Variants in PGAP2 observed in about 807,000 individuals in gnomAD.
The protein encoded by PGAP2 is acyltransferase PGAP2.
Under a neutral mutation model 33.2 loss-of-function variants are expected in PGAP2, and 21 were observed. The observed-to-expected ratio is 0.63, with a 90% confidence interval of 0.45 to 0.91. The LOEUF is 0.91. PGAP2 is among the 40% of genes least tolerant of loss of function. The pLI is 0.00. For synonymous variants in PGAP2, 161 were observed against 172.9 expected (o/e 0.93, Z 0.54); for missense variants, 345 against 424.0 (o/e 0.81, Z 1.64).
chr11:3,798,167 T>G, intron 1 of PGAP2: 1 of 1,382,776 alleles, frequency 7.2e-7, no homozygotes, highest in Non-Finnish European at 9.4e-7. Context: ...TATTCTCTCC[T>G]GACCCATGCT....
Position 3,808,575 on chromosome 11 carries a change from AG to A in PGAP2, c.-86del. The A allele has an allele frequency of 7.3e-7, 1 of 1,366,650 alleles. No individual in the cohort carries two copies. Among genetic ancestry groups the A allele is most frequent in the South Asian group, 1.6e-5 (1 of 61,130 alleles). 84.7% of individuals were successfully genotyped at this position (1,366,650 alleles called of 1,614,324 possible). A position where few individuals can be genotyped will look rare whatever the true frequency, so the allele number is the denominator to read the frequency against. Reference sequence around the variant, plus strand: ...CGCCCCCGCCGTTCGCGCTCTGACCAGCCCGCAGAGCCAGCCCCCGACCCCG... The same window carrying A: ...CGCCCCCGCCGTTCGCGCTCTGACCACCCGCAGAGCCAGCCCCCGACCCCG... On this transcript the variant is annotated 5_prime_UTR_variant, in exon 1 of 7. Coordinates refer to ENST00000278243, the MANE Select transcript of PGAP2 (RefSeq NM_014489.4).
chr11:3,824,482 G>C lies in PGAP2; in HGVS notation c.708+106G>C, dbSNP rs778963282. ...TGAGGTGGGAACTGAGTTCTAATGG[G>C]AACCCTGGCAGAGGGGTGCTGGGGT... is the stretch of plus-strand genomic sequence containing the variant. On this transcript the variant is annotated intron_variant, in intron 5 of 6. Coordinates refer to ENST00000278243, the MANE Select transcript of PGAP2 (RefSeq NM_014489.4). 3.2e-6 allele frequency: 5 copies of C among 1,562,330 alleles called. No homozygotes were observed. In the African/African-American group the frequency reaches 4.1e-5, roughly 13 times the overall value.
At chr11:3,813,033 A>C (rs946326826) in intron 2 of PGAP2, among the ~76,000 whole-genome samples, 2 of 152,030 alleles carry the variant, frequency 1.3e-5, no homozygotes, top group Non-Finnish European at 2.9e-5. Flanking sequence ...CATCCCGCAA[A>C]ACCCTGCCCC....
chr11:3,798,080 G>A, intron 1 of PGAP2: 2 of 1,499,578 alleles, frequency 1.3e-6, no homozygotes, highest in Non-Finnish European at 1.8e-6. Context: ...CACGTGCGGA[G>A]CCTGAGGGCC....
intron 1 of PGAP2, among the ~76,000 whole-genome samples, chr11:3,803,085 C>T (rs536415993): frequency 3.3e-5 from 5 of 151,814 alleles, no homozygotes; most frequent in African/African-American, 4.8e-5. Flanking sequence ...CCTCCGCCTC[C>T]TGGGTTCAAG....
chr11:3,797,993 G>C (rs2082796497), intron 1 of PGAP2: 1 of 1,540,074 alleles, frequency 6.5e-7, no homozygotes, highest in Non-Finnish European at 8.8e-7. Context: ...GTAACTATTC[G>C]ACCCTTTCCT....
At position 3,814,759 on chromosome 11, in the gene PGAP2, T is replaced by TC. The variant is rs1356548809; in HGVS notation, c.166-2593dup. Reference sequence around the variant, plus strand: ...TCCTTCTTTCCTTCTTTTCTTTCTTTCTTTCTTTCTTTCTTTCTTTCTTTC... The same window carrying TC: ...TCCTTCTTTCCTTCTTTTCTTTCTTTCCTTTCTTTCTTTCTTTCTTTCTTTC... On this transcript the variant is annotated intron_variant, in intron 2 of 6. Transcript: ENST00000278243. Among the ~76,000 whole-genome samples, 43 of 74,262 alleles carry TC rather than the reference T, an allele frequency of 5.8e-4. No individual in the cohort carries two copies. The South Asian group carries it at 0.017, about 30-fold the overall frequency. 48.7% of individuals were successfully genotyped at this position (74,262 alleles called of 152,430 possible).
intron 3 of PGAP2, among the ~76,000 whole-genome samples, chr11:3,822,479 T>C (rs2089027588): frequency 6.6e-6 from 1 of 152,008 alleles, no homozygotes; most frequent in Non-Finnish European, 1.5e-5. Context: ...GAGACCAGCA[T>C]GGGACACATG....
chr11:3,825,712 C>A lies in PGAP2; in HGVS notation c.*254C>A. 3.4e-6 allele frequency: 1 copy of A among 293,326 alleles called. No individual in the cohort carries two copies. The highest frequency in any genetic ancestry group is 6.2e-6 in the Non-Finnish European group (1 of 160,400). The allele number at this position is 293,326 out of a possible 1,614,324, so 18.2% of individuals were successfully genotyped here. ...GAAGCTGAGCTGGCAGAGAGCTCCA[C>A]CATTTGGTGCTAAAAAAAAAAACGT... On this transcript the variant is annotated 3_prime_UTR_variant, in exon 7 of 7. Transcript: ENST00000278243.
intron 2 of PGAP2, among the ~76,000 whole-genome samples, chr11:3,812,705 A>G (rs906809273): frequency 3.9e-5 from 6 of 152,194 alleles, no homozygotes; most frequent in Non-Finnish European, 5.9e-5. Flanking sequence ...ACTTCATGTA[A>G]AGAGCATCTG....
At chr11:3,819,226 A>ATTTTTTTTG (rs1554934745) in intron 3 of PGAP2, among the ~76,000 whole-genome samples, 1 of 151,668 alleles carries the variant, frequency 6.6e-6, no homozygotes, top group African/African-American at 2.4e-5. Context: ...TAATTCTTAT[A>ATTTTTTTTG]TTTTTTTTGT....
chr11:3,805,088 T>G (rs182514141), upstream of PGAP2, among the ~76,000 whole-genome samples: 12 of 151,982 alleles, frequency 7.9e-5, no homozygotes, highest in East Asian at 2.3e-3. Context: ...TAAAGAGATT[T>G]CAGAAAGGGT....
chr11:3,817,482 A>C lies in PGAP2; in HGVS notation c.295A>C (p.Ile99Leu). The C allele has an allele frequency of 6.2e-7, 1 of 1,614,134 alleles. No homozygotes were observed. The highest frequency in any genetic ancestry group is 1.3e-5 in the African/African-American group (1 of 75,036). Residue 99 changes from isoleucine (I) to leucine (L), a missense_variant, in exon 3 of 7, where the codon ATC (isoleucine) becomes CTC (leucine). Ile to Leu is a conservative substitution (Grantham distance 5). Transcript: ENST00000278243. Reference protein sequence around the residue: ...TFPVFGFFFCIIWSLVFHFEY... With the variant: ...TFPVFGFFFCLIWSLVFHFEY... ...TCCTGTGTTCGGCTTCTTCTTCTGC[A>C]TCATCTGGTCCCTGGTGTTCCACTT...
rs544302602 is a variant in PGAP2, at chr11:3,825,647, G to T, written c.*189G>T. The T allele has an allele frequency of 9.5e-6, 5 of 528,000 alleles. No homozygotes were observed. In the East Asian group the frequency reaches 9.8e-5, roughly 10 times the overall value. The allele number at this position is 528,000 out of a possible 1,614,324, so 32.7% of individuals were successfully genotyped here. On this transcript the variant is annotated 3_prime_UTR_variant, in exon 7 of 7. Coordinates refer to ENST00000278243, the MANE Select transcript of PGAP2 (RefSeq NM_014489.4). ...TCTCCTCTCCACCCCTCATATGGGCGTGGGGTCCTCAAACATCACCTTTAC... is the reference window on the plus strand; with the variant it reads ...TCTCCTCTCCACCCCTCATATGGGCTTGGGGTCCTCAAACATCACCTTTAC...
upstream of PGAP2, among the ~76,000 whole-genome samples, chr11:3,805,749 C>T (rs191432099): frequency 1.9e-4 from 28 of 151,066 alleles, no homozygotes; most frequent in Non-Finnish European, 1.3e-4. Context: ...TGCAGTGGCG[C>T]GATCTCGGCT....
At chr11:3,809,742 C>T (rs1000894030) in intron 1 of PGAP2, among the ~76,000 whole-genome samples, 1 of 152,118 alleles carries the variant, frequency 6.6e-6, no homozygotes, top group Non-Finnish European at 1.5e-5. Context: ...GGAGGGTCAC[C>T]AGAGCCACTT....
At chr11:3,823,008 C>CT (rs762279055) in intron 3 of PGAP2, 2 of 735,344 alleles carry the variant, frequency 2.7e-6, no homozygotes, top group Admixed American at 3.6e-5. Context: ...GGAGCACCCA[C>CT]TTTCTTTTTT....
chr11:3,798,150 C>T, intron 1 of PGAP2: 1 of 1,433,896 alleles, frequency 7.0e-7, no homozygotes, highest in Non-Finnish European at 9.1e-7. Context: ...GCCCTAAATC[C>T]TGACCCTATT....
At position 3,811,518 on chromosome 11, in the gene PGAP2, C is replaced by A. The variant is rs1200795766; in HGVS notation, c.165+94C>A. 1.6e-6 allele frequency: 2 copies of A among 1,225,740 alleles called. No individual in the cohort carries two copies. The highest frequency in any genetic ancestry group is 2.6e-5 in the East Asian group (1 of 39,030). 75.9% of individuals were successfully genotyped at this position (1,225,740 alleles called of 1,614,324 possible). On this transcript the variant is annotated intron_variant, in intron 2 of 6. Coordinates refer to ENST00000278243, the MANE Select transcript of PGAP2 (RefSeq NM_014489.4). This position sits in a 1 kb window ranked among gnomAD's most constrained non-coding sequence, Gnocchi z 4.6. ...TTTAACAAGATTAGCCAGCTCTCCA[C>A]TGGGGCCCATCAAACATACGGGGCT... is the stretch of plus-strand genomic sequence containing the variant.
Sources: allele counts gnomAD v4.1 joint callset (sites outside exome capture counted in the v4.1 genomes callset), GRCh38; gene constraint gnomAD v4.1.1; non-coding constraint Gnocchi (gnomAD v3.1); transcripts MANE v1.5; gene names NCBI Gene and HGNC (gene_info 2026-07-23, HGNC 2026-07-21).